The following CSMD2 variants were observed in gnomAD, a reference collection of about 807,000 sequenced individuals.
CSMD2 encodes CUB and sushi domain-containing protein 2.
Under a neutral mutation model 398.5 loss-of-function variants are expected in CSMD2, and 130 were observed. That is an observed-to-expected ratio of 0.33 (90% CI 0.28 to 0.38). The LOEUF (loss-of-function observed/expected upper bound fraction) is 0.38. Among genes scored for constraint, CSMD2 ranks in the 10% least tolerant of loss-of-function variants. CSMD2 has a pLI of 1.00. For synonymous variants in CSMD2, 1,828 were observed against 1,908.5 expected, an observed-to-expected ratio of 0.96 and a Z score of 1.10; for missense variants, 3,829 against 4,764.9, an observed-to-expected ratio of 0.80 and a Z score of 5.78.
intron 6 of CSMD2, among the ~76,000 whole-genome samples, chr1:33,829,193 ACT>A (rs1209061604): frequency 6.6e-6 from 1 of 151,972 alleles, no homozygotes; most frequent in Non-Finnish European, 1.5e-5. Context: ...AACAACACAA[ACT>A]CTACAAAATG....
intron 12 of CSMD2, among the ~76,000 whole-genome samples, chr1:33,773,439 G>A (rs1651548737): frequency 6.6e-6 from 1 of 152,226 alleles, no homozygotes; most frequent in South Asian, 2.1e-4. Context: ...GTCAACAGTG[G>A]TGAGACAGAC....
rs143791523 is a variant in CSMD2 at position 33,714,699 on chromosome 1, G to A, written c.3294C>T (p.Gly1098=). ...SIRKGLQFGV[G]DTLTFSCFPG... is the part of the protein sequence containing the mutation. ...GGAAGCAGGAGAAGGTCAAGGTGTC[G>A]CCCACGCCAAACTGCAAGCCCTTCC... The change falls in exon 21 of 71, where the codon GGC becomes GGT. Residue 1098 remains glycine (G), a synonymous_variant. Transcript: ENST00000373381. 266 of 1,613,984 alleles carry A rather than the reference G, an allele frequency of 1.6e-4. 1 individual carries two copies. Among genetic ancestry groups the A allele is most frequent in the Non-Finnish European group, 1.9e-4 (220 of 1,180,040 alleles).
rs141295499 is a variant in CSMD2, at chr1:33,743,404, G to A, written c.2049C>T (p.Pro683=). The A allele has an allele frequency of 2.1e-5, 34 of 1,614,062 alleles. No homozygotes were observed. Among genetic ancestry groups the A allele is most frequent in the Middle Eastern group, 3.3e-4 (2 of 6,084 alleles). ...GGTTTCCTGAGAAGGTGCCCAGGAC[G>A]GGCGCCTCGGCGGTGGCCCCATCCT... is the stretch of plus-strand genomic sequence containing the variant. ...VIKDGATAEA[P]VLGTFSGNQL... The change falls in exon 14 of 71, where the codon CCC becomes CCT. Residue 683 remains proline, a synonymous_variant. Transcript: ENST00000373381.
intron 13 of CSMD2, among the ~76,000 whole-genome samples, chr1:33,759,591 C>G (rs956774300): frequency 1.3e-5 from 2 of 151,988 alleles, no homozygotes; most frequent in Non-Finnish European, 2.9e-5. Flanking sequence ...TCCCAAAGTG[C>G]TGGGATTACA....
chr1:34,123,803 A>G (rs1662460555), intron 1 of CSMD2, among the ~76,000 whole-genome samples: 1 of 151,838 alleles, frequency 6.6e-6, no homozygotes, highest in East Asian at 1.9e-4. Flanking sequence ...GCTGTGTGAG[A>G]GCAGGAAAAA....
At chr1:33,753,810 T>G (rs1648604548) in intron 13 of CSMD2, among the ~76,000 whole-genome samples, 2 of 152,254 alleles carry the variant, frequency 1.3e-5, no homozygotes, top group Non-Finnish European at 2.9e-5. Context: ...GAGGGTTATG[T>G]TGGATCTTTA....
intron 25 of CSMD2, among the ~76,000 whole-genome samples, chr1:33,684,285 G>A (rs625757): frequency 0.94 from 143,041 of 152,318 alleles, 67,271 homozygotes; most frequent in African/African-American, 0.98. Flanking sequence ...TTTTCCCTGT[G>A]TGTTAATCAT....
chr1:34,128,090 C>G (rs1286088385), intron 1 of CSMD2, among the ~76,000 whole-genome samples: 1 of 151,966 alleles, frequency 6.6e-6, no homozygotes, highest in Non-Finnish European at 1.5e-5. Flanking sequence ...CTCACCGACG[C>G]CCTGACCTCA....
chr1:33,821,495 G>A (rs1184567095), intron 7 of CSMD2, among the ~76,000 whole-genome samples: 1 of 152,166 alleles, frequency 6.6e-6, no homozygotes, highest in Non-Finnish European at 1.5e-5. Context: ...GACCCCAACA[G>A]CAACCTCTAG....
At chr1:33,667,721 T>C (rs377288034) in intron 25 of CSMD2, among the ~76,000 whole-genome samples, 1 of 152,172 alleles carries the variant, frequency 6.6e-6, no homozygotes. Context: ...AGGCTTGGCA[T>C]TGATGTTGCG....
intron 10 of CSMD2, among the ~76,000 whole-genome samples, chr1:33,808,178 T>G (rs1265458992): frequency 6.6e-6 from 1 of 152,092 alleles, no homozygotes; most frequent in Non-Finnish European, 1.5e-5. Context: ...ACCATCATAA[T>G]GGAAGATTTT....
At chr1:33,897,824 C>T (rs1642491670) in intron 5 of CSMD2, among the ~76,000 whole-genome samples, 1 of 152,250 alleles carries the variant, frequency 6.6e-6, no homozygotes, top group African/African-American at 2.4e-5. Flanking sequence ...AAGGGCCCTC[C>T]ATGGGCAAGG....
At chr1:33,748,676 G>A (rs994539441) in intron 13 of CSMD2, among the ~76,000 whole-genome samples, 1 of 152,070 alleles carries the variant, frequency 6.6e-6, no homozygotes, top group Non-Finnish European at 1.5e-5. Flanking sequence ...CATGGATAAT[G>A]AGCCCATTAC....
At chr1:33,671,801 C>T (rs186543895) in intron 25 of CSMD2, among the ~76,000 whole-genome samples, 7 of 152,292 alleles carry the variant, frequency 4.6e-5, no homozygotes, top group Admixed American at 2.0e-4. Context: ...TGCAGGGGCC[C>T]GTCCCTCTCA....
intron 2 of CSMD2, among the ~76,000 whole-genome samples, chr1:34,052,457 TG>T (rs11344432): frequency 0.36 from 46,029 of 128,304 alleles, 7,818 homozygotes; most frequent in African/African-American, 0.44. Flanking sequence ...TTTATATCCA[TG>T]GGGGGGGGGT....
intron 5 of CSMD2, among the ~76,000 whole-genome samples, chr1:33,886,683 C>G (rs1392771929): frequency 6.6e-6 from 1 of 152,194 alleles, no homozygotes; most frequent in Non-Finnish European, 1.5e-5. Context: ...GATCTCAGAG[C>G]TTACAACTGG....
chr1:34,050,742 A>G (rs1173529195), intron 2 of CSMD2, among the ~76,000 whole-genome samples: 1 of 152,208 alleles, frequency 6.6e-6, no homozygotes, highest in Non-Finnish European at 1.5e-5. Context: ...ACCAACTGAC[A>G]AAGTGTTTCC....
At chr1:34,077,503 G>A (rs554963371) in intron 2 of CSMD2, among the ~76,000 whole-genome samples, 12 of 144,732 alleles carry the variant, frequency 8.3e-5, no homozygotes, top group Admixed American at 3.5e-4. Context: ...TTGGGAGGCC[G>A]AGGCGGGCGA....
chr1:34,114,515 T>C (rs1438751068), intron 1 of CSMD2, among the ~76,000 whole-genome samples: 1 of 152,084 alleles, frequency 6.6e-6, no homozygotes, highest in Non-Finnish European at 1.5e-5. Flanking sequence ...CTGGGCAAGA[T>C]AGCAAGACCC....
Sources: allele counts gnomAD v4.1 joint callset (sites outside exome capture counted in the v4.1 genomes callset), GRCh38; gene constraint gnomAD v4.1.1; transcripts MANE v1.5; gene names NCBI Gene and HGNC (gene_info 2026-07-23, HGNC 2026-07-21).